SEMA3A: variants seen among roughly 807,000 people sequenced by gnomAD.
The protein encoded by SEMA3A is semaphorin 3A, also known as semaphorin-3A.
Under a neutral mutation model 97.9 loss-of-function variants are expected in SEMA3A, and 29 were observed. That is an observed-to-expected ratio of 0.30 (90% CI 0.22 to 0.40). The LOEUF (loss-of-function observed/expected upper bound fraction) is 0.40, where lower values mean the gene tolerates loss of function less well. Among genes scored for constraint, SEMA3A ranks in the 10% least tolerant of loss-of-function variants. The pLI is 1.00. For missense variants in SEMA3A, 763 were observed against 951.3 expected (o/e 0.80, Z 2.60); for synonymous variants, 321 against 323.7 (o/e 0.99, Z 0.09).
chr7:84,228,826 C>G (rs1413922690), intron 3 of SEMA3A, among the ~76,000 whole-genome samples: 2 of 152,072 alleles, frequency 1.3e-5, no homozygotes, highest in African/African-American at 4.8e-5. Flanking sequence ...TTCCCTTCCA[C>G]TCCTTTAAGT....
intron 4 of SEMA3A, among the ~76,000 whole-genome samples, chr7:84,100,509 A>G (rs1794929112): frequency 6.6e-6 from 1 of 152,162 alleles, no homozygotes; most frequent in Non-Finnish European, 1.5e-5. Context: ...TAAGTAAAGT[A>G]ATACTTTTAA....
intron 1 of SEMA3A, among the ~76,000 whole-genome samples, chr7:84,382,922 T>C (rs1330113421): frequency 3.9e-5 from 6 of 152,058 alleles, no homozygotes; most frequent in Admixed American, 1.3e-4. Context: ...GGATTTCCCA[T>C]ATCATAAAAG....
At chr7:84,096,548 C>T (rs1334530344) in intron 4 of SEMA3A, among the ~76,000 whole-genome samples, 1 of 151,884 alleles carries the variant, frequency 6.6e-6, no homozygotes. Flanking sequence ...AAATTATTTT[C>T]TTGGAAGCAT....
intron 1 of SEMA3A, among the ~76,000 whole-genome samples, chr7:84,374,150 C>A (rs1412112380): frequency 6.6e-6 from 1 of 152,146 alleles, no homozygotes; most frequent in East Asian, 1.9e-4. Context: ...AACTTTAAGA[C>A]ACTGCATGTC....
At chr7:84,021,239 C>T (rs1791316572) in intron 6 of SEMA3A, among the ~76,000 whole-genome samples, 1 of 152,054 alleles carries the variant, frequency 6.6e-6, no homozygotes, top group African/African-American at 2.4e-5. Context: ...TTCTACAACA[C>T]CTTATCTACT....
intron 6 of SEMA3A, among the ~76,000 whole-genome samples, chr7:84,023,329 T>C (rs1791394694): frequency 6.6e-6 from 1 of 152,176 alleles, no homozygotes; most frequent in Non-Finnish European, 1.5e-5. Flanking sequence ...GCTGGACCTA[T>C]CCCTTCCACC....
At chr7:84,343,667 A>G (rs1385271806) in intron 2 of SEMA3A, among the ~76,000 whole-genome samples, 1 of 152,106 alleles carries the variant, frequency 6.6e-6, no homozygotes, top group African/African-American at 2.4e-5. Context: ...TAAAATTAGC[A>G]GTATGGATGG....
chr7:84,076,820 A>G (rs1389586566), intron 4 of SEMA3A, among the ~76,000 whole-genome samples: 1 of 152,102 alleles, frequency 6.6e-6, no homozygotes, highest in Non-Finnish European at 1.5e-5. Flanking sequence ...AGTTGGATTA[A>G]ATAGGATTTG....
intron 1 of SEMA3A, among the ~76,000 whole-genome samples, chr7:84,186,054 T>C (rs1176976210): frequency 6.6e-6 from 1 of 152,126 alleles, no homozygotes; most frequent in Admixed American, 6.6e-5. Flanking sequence ...CAGCTCTAAG[T>C]CATATAAATT....
At chr7:84,413,256 G>A (rs1804325786) in intron 1 of SEMA3A, among the ~76,000 whole-genome samples, 1 of 152,180 alleles carries the variant, frequency 6.6e-6, no homozygotes, top group Non-Finnish European at 1.5e-5. Flanking sequence ...TTTTAACAAT[G>A]AAAGTCACAT....
chr7:84,094,903 G>A (rs1027871825), intron 4 of SEMA3A, among the ~76,000 whole-genome samples: 3 of 151,772 alleles, frequency 2.0e-5, no homozygotes, highest in Non-Finnish European at 4.4e-5. Flanking sequence ...GTTTCCTTAA[G>A]TGGAAAACTG....
Position 84,055,955 on chromosome 7 carries a change from A to G in SEMA3A, c.547+4510T>C, listed in dbSNP as rs191690243. 4.6e-5 allele frequency among the ~76,000 whole-genome samples: 7 copies of G among 152,348 alleles called. No individual in the cohort carries two copies. In the South Asian group the frequency reaches 6.2e-4, roughly 14 times the overall value. ...TTTATTAAATTGATGGTAGAATCAT[A>G]TATCTAGAAATTATTGTCTACATTA... On this transcript the variant is annotated intron_variant, in intron 5 of 16. Coordinates refer to ENST00000265362, the MANE Select transcript of SEMA3A (RefSeq NM_006080.3).
chr7:84,289,596 G>A (rs1370264876), intron 3 of SEMA3A, among the ~76,000 whole-genome samples: 2 of 151,990 alleles, frequency 1.3e-5, no homozygotes, highest in African/African-American at 4.8e-5. Flanking sequence ...AAACTAGGAT[G>A]GCAATGATAA....
Position 84,093,760 on chromosome 7 carries a change from C to T in SEMA3A, c.453+16710G>A, listed in dbSNP as rs147046217. ...GAGTTGAACAATGAGAATACATGGA[C>T]GCAGGGAGGGGAACAACACCCATTT... On this transcript the variant is annotated intron_variant, in intron 4 of 16. Transcript: ENST00000265362. 3.4e-3 allele frequency among the ~76,000 whole-genome samples: 512 copies of T among 151,824 alleles called. 1 individual carries two copies. Among genetic ancestry groups the T allele is most frequent in the African/African-American group, 0.012 (485 of 41,380 alleles).
chr7:84,070,355 T>C (rs554561112), intron 4 of SEMA3A, among the ~76,000 whole-genome samples: 1 of 152,254 alleles, frequency 6.6e-6, no homozygotes, highest in South Asian at 2.1e-4. Flanking sequence ...GAGGAAATAA[T>C]AACTGTGCTA....
chr7:84,466,275 C>A (rs1209380102), intron 1 of SEMA3A, among the ~76,000 whole-genome samples: 1 of 151,996 alleles, frequency 6.6e-6, no homozygotes, highest in African/African-American at 2.4e-5. Flanking sequence ...CTGGTTCAAG[C>A]GATTCTCCTG....
intron 1 of SEMA3A, among the ~76,000 whole-genome samples, chr7:84,443,880 CTTTTTTTTTTTTTTT>C (rs71078831): frequency 4.3e-5 from 4 of 92,428 alleles, no homozygotes; most frequent in Admixed American, 1.4e-4. Flanking sequence ...GTGCTTTGTC[CTTTTTTTTTTTTTTT>C]TTTTTTTTTG....
intron 1 of SEMA3A, among the ~76,000 whole-genome samples, chr7:84,403,665 T>C (rs1361101917): frequency 1.3e-5 from 2 of 152,054 alleles, no homozygotes; most frequent in Non-Finnish European, 2.9e-5. Flanking sequence ...GACTGACACC[T>C]CACACAGCCG....
chr7:84,349,163 A>AT (rs1391634827), intron 2 of SEMA3A, among the ~76,000 whole-genome samples: 1 of 152,058 alleles, frequency 6.6e-6, no homozygotes, highest in East Asian at 1.9e-4. Flanking sequence ...TGATCTATTC[A>AT]TTTTTTGTCT....
Sources: gnomAD v4.1 joint callset for allele counts (sites outside exome capture counted in the v4.1 genomes callset) on GRCh38, gnomAD v4.1.1 for gene constraint, MANE v1.5 for transcripts, NCBI Gene and HGNC (gene_info 2026-07-23, HGNC 2026-07-21) for gene names.